Variants in REXO2 observed in about 807,000 individuals in gnomAD.
The protein encoded by REXO2 is oligoribonuclease, mitochondrial.
REXO2 carries 17 observed loss-of-function variants against 30.9 expected under a neutral mutation model. The ratio of observed to expected loss-of-function variants is 0.55; its 90% confidence interval spans 0.38 to 0.82. The LOEUF is 0.82. Ranked by LOEUF, REXO2 falls within the 40% of genes least tolerant of loss-of-function variation. REXO2 has a pLI of 0.00. For missense variants in REXO2, 253 were observed against 293.2 expected, an observed-to-expected ratio of 0.86 and a Z score of 1.00; for synonymous variants, 105 against 99.6, an observed-to-expected ratio of 1.05 and a Z score of -0.32.
At position 114,450,111 on chromosome 11, in the gene REXO2, C is replaced by T. The variant is rs1376419914; in HGVS notation, c.*136C>T. ...ATTGATTACTCAAGCAGACAGCACA[C>T]GAAATACTATTTTTCTCCTAATATG... On this transcript the variant is annotated 3_prime_UTR_variant, in exon 7 of 7. Coordinates refer to ENST00000265881, the MANE Select transcript of REXO2 (RefSeq NM_015523.4). 2.6e-5 allele frequency: 21 copies of T among 814,812 alleles called. No homozygotes were observed. The highest frequency in any genetic ancestry group is 5.5e-5 in the South Asian group (3 of 54,338). The allele number at this position is 814,812 out of a possible 1,614,324, so 50.5% of individuals were successfully genotyped here. A position where few individuals can be genotyped will look rare whatever the true frequency, so the allele number is the denominator to read the frequency against.
chr11:114,447,912 C>T, intron 6 of REXO2, 33 bp downstream of exon 6: 1 of 1,556,828 alleles, frequency 6.4e-7, no homozygotes. Context: ...GTTTTCCAGT[C>T]TGACACACAC....
chr11:114,444,544 G>A lies in REXO2; in HGVS notation c.313G>A (p.Gly105Ser). ...GGCTGGGGATTCTCTCTTGCAGTCT[G>A]GCCTTACCAAGGCAGTGAAGGAGAG... ...DWCKEHHGKS[G>S]LTKAVKESTI... is the part of the protein sequence containing the mutation. Residue 105 changes from glycine to serine, a missense_variant, in exon 4 of 7, where the codon GGC becomes AGC. Transcript: ENST00000265881. The A allele has an allele frequency of 3.1e-6, 5 of 1,606,068 alleles. No individual in the cohort carries two copies. The highest frequency in any genetic ancestry group is 4.3e-6 in the Non-Finnish European group (5 of 1,175,384).
Position 114,449,832 on chromosome 11 carries a change from A to G in REXO2, c.585-14A>G, listed in dbSNP as rs1460929296. On this transcript the variant is annotated splice_polypyrimidine_tract_variant and intron_variant, in intron 6 of 6. Transcript: ENST00000265881. ...TTTTGGACAGTTCATTCATTGTGGT[A>G]TGTTTGCTTATAGGGCACTTGATGA... 1 of 1,601,932 alleles carries G rather than the reference A, an allele frequency of 6.2e-7. No individual in the cohort carries two copies. Among genetic ancestry groups the G allele is most frequent in the Non-Finnish European group, 8.5e-7 (1 of 1,174,928 alleles).
In REXO2 at chr11:114,440,674, GAGA is replaced by G. The variant is rs1360701671; in HGVS notation, c.169_171del (p.Lys57del). The G allele has an allele frequency of 6.2e-7, 1 of 1,613,302 alleles. No individual in the cohort carries two copies. Among genetic ancestry groups the G allele is most frequent in the African/African-American group, 1.3e-5 (1 of 74,904 alleles). Reference sequence around the variant, plus strand: ...ATTGCAGATGACAGGATTGGACATTGAGAAGGACCAGATTATTGAGATGGCCTG... The same window carrying G: ...ATTGCAGATGACAGGATTGGACATTGAGGACCAGATTATTGAGATGGCCTG... On this transcript the variant is annotated inframe_deletion, in exon 2 of 7. Transcript: ENST00000265881.
At position 114,439,783 on chromosome 11, in the gene REXO2, G is replaced by T. The variant is rs1397150100; in HGVS notation, c.147+108G>T. 2.2e-6 allele frequency: 3 copies of T among 1,348,632 alleles called. No homozygotes were observed. The African/African-American group carries it at 4.5e-5, about 20-fold the overall frequency. The allele number at this position is 1,348,632 out of a possible 1,614,324, so 83.5% of individuals were successfully genotyped here. ...CGTTGGGGGTCTGGGTCTCAGGTGT[G>T]GCAGGTGAGCGCGGCCGGCCACGGG... On this transcript the variant is annotated intron_variant, in intron 1 of 6. Transcript: ENST00000265881.
chr11:114,439,762 G>T, intron 1 of REXO2, 87 bp downstream of exon 1: 5 of 1,404,584 alleles, frequency 3.6e-6, no homozygotes, highest in Non-Finnish European at 4.7e-6. Flanking sequence ...GGAGAGCGTT[G>T]GGGGTCTGGG....
At position 114,439,856 on chromosome 11, in the gene REXO2, C is replaced by T. The variant is rs1009171574; in HGVS notation, c.147+181C>T. 3.4e-5 allele frequency: 23 copies of T among 681,804 alleles called. No individual in the cohort carries two copies. The African/African-American group carries it at 3.9e-4, about 11-fold the overall frequency. The allele number at this position is 681,804 out of a possible 1,614,324, so 42.2% of individuals were successfully genotyped here. A position where few individuals can be genotyped will look rare whatever the true frequency, so the allele number is the denominator to read the frequency against. On this transcript the variant is annotated intron_variant, in intron 1 of 6. Transcript: ENST00000265881. ...CAGGAGTCCTGCGGGTGTTGGGCGC[C>T]GTGCTGCGCTGTAGGGCTTCTTTCC...
chr11:114,444,058 A>G (rs1946497022), intron 3 of REXO2, 125 bp downstream of exon 3: 5 of 746,506 alleles, frequency 6.7e-6, no homozygotes, highest in Non-Finnish European at 9.5e-6. Flanking sequence ...TTGCATGGCA[A>G]GCCTGGGAAA....
At chr11:114,442,239 A>G (rs1446399659) in intron 2 of REXO2, among the ~76,000 whole-genome samples, 2 of 151,664 alleles carry the variant, frequency 1.3e-5, no homozygotes, top group East Asian at 3.9e-4. Context: ...AAAATGTTTT[A>G]TGCTGGTAGA....
In REXO2 at chr11:114,443,851, C is replaced by T; in HGVS notation, c.232-5C>T. The T allele has an allele frequency of 6.2e-7, 1 of 1,601,682 alleles. No individual in the cohort carries two copies. The highest frequency in any genetic ancestry group is 8.5e-7 in the Non-Finnish European group (1 of 1,173,254). On this transcript the variant is annotated splice_polypyrimidine_tract_variant and splice_region_variant and intron_variant, in intron 2 of 6. Transcript: ENST00000265881. ...TTGGTGACTGATGGCGTTTCCCATC[C>T]ACAGGGTCCTAACCTGATTATAAAA...
chr11:114,444,288 C>T (rs1946498787), intron 3 of REXO2: 1 of 623,504 alleles, frequency 1.6e-6, no homozygotes, highest in Admixed American at 2.2e-5. Context: ...GGTTAATATC[C>T]TTGGACTTTG....
chr11:114,446,933 CTTTT>C lies in REXO2; in HGVS notation c.530+866_530+869del, dbSNP rs539152554. ...AAGTGGTAGAAAGATAGAAAGGAGGCTTTTTTTTTTTTTTTTTTTTTTTGAGACG... is the reference window on the plus strand; with the variant it reads ...AAGTGGTAGAAAGATAGAAAGGAGGCTTTTTTTTTTTTTTTTTTTGAGACG... On this transcript the variant is annotated intron_variant, in intron 5 of 6. Transcript: ENST00000265881. Among the ~76,000 whole-genome samples the C allele has an allele frequency of 2.5e-3, 239 of 94,354 alleles. 2 individuals carry two copies. Among genetic ancestry groups the C allele is most frequent in the Middle Eastern group, 0.019 (2 of 108 alleles). The allele number at this position is 94,354 out of a possible 152,430, so 61.9% of individuals were successfully genotyped here.
chr11:114,440,586 T>A, intron 1 of REXO2, 70 bp from the exon 2 acceptor site: 1 of 1,162,120 alleles, frequency 8.6e-7, no homozygotes, highest in Non-Finnish European at 1.3e-6. Context: ...GAATTCCTGT[T>A]AAATAAACTT....
At chr11:114,447,995 A>G in intron 6 of REXO2, 116 bp downstream of exon 6, 1 of 743,194 alleles carries the variant, frequency 1.3e-6, no homozygotes, top group Non-Finnish European at 2.2e-6. Context: ...GATAAAGTTC[A>G]ACTAGCATAA....
chr11:114,444,116 TCTC>T lies in REXO2; in HGVS notation c.309+186_309+188del, dbSNP rs905611781. On this transcript the variant is annotated intron_variant, in intron 3 of 6. Transcript: ENST00000265881. ...TCTTTGGGACCTCTCGAGATCATCT[TCTC>T]CTGAATGTCCTCTTTTTTTTCTCTC... 3 of 670,072 alleles carry T rather than the reference TCTC, an allele frequency of 4.5e-6. No homozygotes were observed. In the African/African-American group the frequency reaches 5.3e-5, roughly 12 times the overall value. The allele number at this position is 670,072 out of a possible 1,614,324, so 41.5% of individuals were successfully genotyped here. A position where few individuals can be genotyped will look rare whatever the true frequency, so the allele number is the denominator to read the frequency against.
chr11:114,449,226 C>T (rs73556010), intron 6 of REXO2: 282 of 152,276 alleles, frequency 1.9e-3, no homozygotes, highest in African/African-American at 6.6e-3. Context: ...GGTAGATCCT[C>T]TGGTATGGTT....
chr11:114,439,673 G>A lies in REXO2; in HGVS notation c.145G>A (p.Glu49Lys). The change falls in exon 1 of 7, where the codon GAG becomes AAG. Residue 49 changes from glutamate to lysine, a missense_variant and splice_region_variant. Physicochemically the swap from Glu to Lys is moderately conservative, Grantham distance 56. Coordinates refer to ENST00000265881, the MANE Select transcript of REXO2 (RefSeq NM_015523.4). ...TCAGCGGATGGTCTGGGTGGACCTG[G>A]AGGTGAGTGAGGTCGGCGGGGGGCT... The part of the protein sequence containing the change: ...MAQRMVWVDL[E>K]MTGLDIEKDQ... The A allele has an allele frequency of 6.6e-7, 1 of 1,518,232 alleles. No individual in the cohort carries two copies. 94.0% of individuals were successfully genotyped at this position (1,518,232 alleles called of 1,614,324 possible). A position where few individuals can be genotyped will look rare whatever the true frequency, so the allele number is the denominator to read the frequency against.
chr11:114,442,674 C>G (rs1021329093), intron 2 of REXO2, among the ~76,000 whole-genome samples: 1 of 152,086 alleles, frequency 6.6e-6, no homozygotes, highest in Admixed American at 6.5e-5. Context: ...TTTCTTTTAT[C>G]CTGTTAACAT....
chr11:114,440,892 C>A, intron 2 of REXO2, 153 bp downstream of exon 2: 1 of 501,764 alleles, frequency 2.0e-6, no homozygotes, highest in South Asian at 3.5e-5. Context: ...GGTACTAGAA[C>A]CAAAGTAATC....
Sources: allele counts gnomAD v4.1 joint callset (sites outside exome capture counted in the v4.1 genomes callset), GRCh38; gene constraint gnomAD v4.1.1; transcripts MANE v1.5; gene names NCBI Gene and HGNC (gene_info 2026-07-23, HGNC 2026-07-21).